The following ATG7 variants were observed in gnomAD, a reference collection of about 807,000 sequenced individuals.
ATG7 encodes the protein autophagy related 7, also known as ubiquitin-like modifier-activating enzyme ATG7.
In ATG7, 70 loss-of-function variants were observed where a neutral mutation model predicts 82.4. That is an observed-to-expected ratio of 0.85 (90% CI 0.70 to 1.04). The LOEUF (loss-of-function observed/expected upper bound fraction) is 1.04, where lower values mean the gene tolerates loss of function less well. Ranked by LOEUF, ATG7 falls within the 50% of genes least tolerant of loss-of-function variation. ATG7 has a pLI of 0.00. For synonymous variants in ATG7, 287 were observed against 313.0 expected (o/e 0.92, Z 0.88); for missense variants, 792 against 864.3 (o/e 0.92, Z 1.05).
At chr3:11,528,171 C>T (rs892199456) in intron 20 of ATG7, among the ~76,000 whole-genome samples, 14 of 152,176 alleles carry the variant, frequency 9.2e-5, no homozygotes, top group African/African-American at 1.4e-4. Flanking sequence ...AACCATTTCA[C>T]GGGGCAAGGT....
Position 11,393,499 on chromosome 3 carries a change from A to G in ATG7, c.1956+13447A>G, listed in dbSNP as rs1232921387. Among the ~76,000 whole-genome samples the G allele has an allele frequency of 3.9e-5, 6 of 152,254 alleles. No homozygotes were observed. In the East Asian group the frequency reaches 1.2e-3, roughly 29 times the overall value. On this transcript the variant is annotated intron_variant, in intron 19 of 20. Coordinates refer to ENST00000693202, the MANE Select transcript of ATG7 (RefSeq NM_001349232.2). ...AATATTTAAAAATAAATTACAGATA[A>G]TAGGTATCTCTTTATTTGACCCTGG... is the stretch of plus-strand genomic sequence containing the variant.
chr3:11,470,818 TG>T (rs1248226298), intron 20 of ATG7, among the ~76,000 whole-genome samples: 1 of 152,146 alleles, frequency 6.6e-6, no homozygotes, highest in Non-Finnish European at 1.5e-5. Flanking sequence ...AGAGAACACT[TG>T]GGAGGAGCTC....
intron 3 of ATG7, among the ~76,000 whole-genome samples, chr3:11,295,506 T>C (rs1342777106): frequency 6.6e-6 from 1 of 152,226 alleles, no homozygotes; most frequent in African/African-American, 2.4e-5. Flanking sequence ...CACAGTCAGT[T>C]ACTCCCCTCT....
rs148981651 is a variant in ATG7 at position 11,425,970 on chromosome 3, G to C, written c.1957-834G>C. On this transcript the variant is annotated intron_variant, in intron 19 of 20. Coordinates refer to ENST00000693202, the MANE Select transcript of ATG7 (RefSeq NM_001349232.2). The stretch of plus-strand genomic sequence containing the variant: ...GGTAGTTTGTTCTCACTGATATATA[G>C]TATTCCATTGCATGACTATACCACA... 2.5e-3 allele frequency among the ~76,000 whole-genome samples: 383 copies of C among 152,190 alleles called. 2 individuals are homozygous for C. The highest frequency in any genetic ancestry group is 8.3e-3 in the African/African-American group (344 of 41,518).
chr3:11,378,992 G>A (rs938013124), intron 18 of ATG7, among the ~76,000 whole-genome samples: 3 of 151,980 alleles, frequency 2.0e-5, no homozygotes, highest in African/African-American at 7.2e-5. Flanking sequence ...GAAGACAAAC[G>A]CTGTGGTATT....
the ATG7 span, among the ~76,000 whole-genome samples, chr3:11,572,992 T>G: frequency 6.6e-6 from 1 of 151,438 alleles, no homozygotes; most frequent in Non-Finnish European, 1.5e-5. Flanking sequence ...ACATGGCGAA[T>G]CCCCCTCTAC....
At chr3:11,456,043 T>C (rs2085677952) in intron 20 of ATG7, among the ~76,000 whole-genome samples, 1 of 152,230 alleles carries the variant, frequency 6.6e-6, no homozygotes, top group East Asian at 1.9e-4. Flanking sequence ...ATAATTTTTT[T>C]TAATATTCAG....
At chr3:11,492,397 G>T (rs1340335728) in intron 20 of ATG7, among the ~76,000 whole-genome samples, 1 of 152,194 alleles carries the variant, frequency 6.6e-6, no homozygotes, top group Non-Finnish European at 1.5e-5. Context: ...CAGTACCTCA[G>T]ATGGAAATGC....
At chr3:11,309,200 A>G in intron 7 of ATG7, 139 bp downstream of exon 7, 2 of 865,108 alleles carry the variant, frequency 2.3e-6, no homozygotes, top group South Asian at 1.5e-5. Context: ...CGAAACGCTC[A>G]TTTGATTAGT....
intron 20 of ATG7, among the ~76,000 whole-genome samples, chr3:11,534,392 T>C (rs1489780949): frequency 6.6e-6 from 1 of 152,236 alleles, no homozygotes; most frequent in Non-Finnish European, 1.5e-5. Flanking sequence ...AGAATGCTGT[T>C]GGTCTTGGAA....
At chr3:11,519,790 T>C (rs575249524) in intron 20 of ATG7, among the ~76,000 whole-genome samples, 2 of 152,122 alleles carry the variant, frequency 1.3e-5, no homozygotes, top group South Asian at 4.2e-4. Context: ...CTCGATCTCC[T>C]GACCTTGTGA....
intron 20 of ATG7, among the ~76,000 whole-genome samples, chr3:11,479,463 A>G (rs2088664472): frequency 6.6e-6 from 1 of 152,162 alleles, no homozygotes; most frequent in African/African-American, 2.4e-5. Flanking sequence ...AAATCCAAAC[A>G]TCGTAAAGTT....
intron 5 of ATG7, among the ~76,000 whole-genome samples, chr3:11,300,576 G>A (rs995608999): frequency 6.6e-6 from 1 of 152,156 alleles, no homozygotes; most frequent in Non-Finnish European, 1.5e-5. Context: ...ATGTCCAGGA[G>A]GAACTGGAGA....
chr3:11,483,009 T>C (rs1009592448), intron 20 of ATG7, among the ~76,000 whole-genome samples: 1 of 152,090 alleles, frequency 6.6e-6, no homozygotes, highest in African/African-American at 2.4e-5. Flanking sequence ...CCTAGTTACT[T>C]GGGATTCTCA....
At chr3:11,410,325 A>T (rs768517693) in intron 19 of ATG7, among the ~76,000 whole-genome samples, 3 of 152,030 alleles carry the variant, frequency 2.0e-5, no homozygotes, top group South Asian at 2.1e-4. Flanking sequence ...TGTGAATGAT[A>T]TTGTATTTTT....
the ATG7 span, among the ~76,000 whole-genome samples, chr3:11,568,185 C>T: frequency 2.0e-5 from 3 of 152,218 alleles, no homozygotes; most frequent in Admixed American, 6.5e-5. This position sits in a 1 kb window ranked among gnomAD's most constrained non-coding sequence, Gnocchi z 5.9. Context: ...AAAGGTCAGG[C>T]GTCTGCCCAT....
chr3:11,336,835 A>G (rs959224918), intron 11 of ATG7, among the ~76,000 whole-genome samples: 3 of 151,750 alleles, frequency 2.0e-5, no homozygotes, highest in African/African-American at 7.3e-5. Flanking sequence ...ACCACACCCA[A>G]CTAATTTTTG....
chr3:11,395,965 AGGT>A (rs1201632453), intron 19 of ATG7, among the ~76,000 whole-genome samples: 1 of 78,098 alleles, frequency 1.3e-5, no homozygotes, highest in African/African-American at 5.8e-5. Context: ...AAAAAAAAAA[AGGT>A]AGGGGGGGAA....
At chr3:11,412,490 T>G (rs2081006848) in intron 19 of ATG7, among the ~76,000 whole-genome samples, 1 of 152,184 alleles carries the variant, frequency 6.6e-6, no homozygotes. Flanking sequence ...CTGCGCTCTC[T>G]ATTCTGTTTC....
Sources: gnomAD v4.1 joint callset for allele counts (sites outside exome capture counted in the v4.1 genomes callset) on GRCh38, gnomAD v4.1.1 for gene constraint, Gnocchi (gnomAD v3.1) non-coding constraint, MANE v1.5 for transcripts, NCBI Gene and HGNC (gene_info 2026-07-23, HGNC 2026-07-21) for gene names.